The following NRXN3 variants were observed in gnomAD, a reference collection of about 807,000 sequenced individuals.
NRXN3 encodes the protein neurexin III.
In NRXN3, 32 loss-of-function variants were observed where a neutral mutation model predicts 137.6. The ratio of observed to expected loss-of-function variants is 0.23; its 90% CI spans 0.18 to 0.31. The LOEUF (loss-of-function observed/expected upper bound fraction) is 0.31. NRXN3 is among the 10% of genes least tolerant of loss of function. NRXN3 has a pLI of 1.00. For synonymous variants in NRXN3, 798 were observed against 784.5 expected (o/e 1.02, Z -0.29); for missense variants, 1,574 against 2,062.5 (o/e 0.76, Z 4.59).
intron 16 of NRXN3, among the ~76,000 whole-genome samples, chr14:79,501,083 C>T (rs1178250061): frequency 6.6e-6 from 1 of 152,124 alleles, no homozygotes. Flanking sequence ...TTCCAACAGG[C>T]CTAGGGATCT....
chr14:78,827,226 A>G (rs2098969145), intron 10 of NRXN3, among the ~76,000 whole-genome samples: 1 of 151,882 alleles, frequency 6.6e-6, no homozygotes, highest in Non-Finnish European at 1.5e-5. Context: ...TTCTCACACC[A>G]ATGTACTATT....
At chr14:79,506,611 T>C (rs1199480223) in intron 16 of NRXN3, among the ~76,000 whole-genome samples, 1 of 152,208 alleles carries the variant, frequency 6.6e-6, no homozygotes, top group Non-Finnish European at 1.5e-5. Context: ...ATTTTTGTCT[T>C]TCCTAGCTCC....
At chr14:78,581,687 T>C (rs1289051105) in intron 4 of NRXN3, among the ~76,000 whole-genome samples, 1 of 152,218 alleles carries the variant, frequency 6.6e-6, no homozygotes, top group African/African-American at 2.4e-5. Context: ...CAGGGACACA[T>C]TTATGGACAT....
At chr14:79,095,499 C>A (rs889247804) in intron 15 of NRXN3, among the ~76,000 whole-genome samples, 2 of 152,078 alleles carry the variant, frequency 1.3e-5, no homozygotes, top group African/African-American at 4.8e-5. Context: ...TTCACACGTG[C>A]TTGCCTTCAT....
chr14:79,550,690 G>A (rs1214782941), intron 16 of NRXN3, among the ~76,000 whole-genome samples: 4 of 152,086 alleles, frequency 2.6e-5, no homozygotes, highest in African/African-American at 7.2e-5. Flanking sequence ...GGCAAGACTC[G>A]GAAAGTGCAG....
At chr14:79,234,717 A>G (rs2073075912) in intron 15 of NRXN3, among the ~76,000 whole-genome samples, 1 of 152,022 alleles carries the variant, frequency 6.6e-6, no homozygotes, top group Non-Finnish European at 1.5e-5. Context: ...TTCACAGTGC[A>G]TATTAGCAAA....
chr14:78,266,345 C>A (rs888989811), intron 2 of NRXN3, among the ~76,000 whole-genome samples: 2 of 151,980 alleles, frequency 1.3e-5, no homozygotes, highest in African/African-American at 2.4e-5. Flanking sequence ...TGTCGCCAGG[C>A]TGGAGTGCAG....
chr14:78,974,349 G>T (rs144829351), intron 14 of NRXN3, among the ~76,000 whole-genome samples: 2 of 152,126 alleles, frequency 1.3e-5, no homozygotes, highest in Admixed American at 1.3e-4. Context: ...TTACTATCAC[G>T]CAGGGTAAGA....
At chr14:79,434,063 C>T (rs2095805152) in intron 15 of NRXN3, among the ~76,000 whole-genome samples, 1 of 152,156 alleles carries the variant, frequency 6.6e-6, no homozygotes, top group South Asian at 2.1e-4. Context: ...CATATGCTTG[C>T]TAGAGGTTAA....
At chr14:78,424,053 G>A (rs1308736363) in intron 4 of NRXN3, among the ~76,000 whole-genome samples, 1 of 152,206 alleles carries the variant, frequency 6.6e-6, no homozygotes, top group East Asian at 1.9e-4. Flanking sequence ...CAAACTCAAG[G>A]CTCCCTCTTT....
chr14:79,035,119 T>C (rs2099613987), intron 15 of NRXN3, among the ~76,000 whole-genome samples: 1 of 152,166 alleles, frequency 6.6e-6, no homozygotes, highest in Non-Finnish European at 1.5e-5. Context: ...TAAGGCCCTT[T>C]CCTCTTATAA....
At chr14:79,563,884 G>A (rs1602161633) in intron 16 of NRXN3, among the ~76,000 whole-genome samples, 1 of 151,930 alleles carries the variant, frequency 6.6e-6, no homozygotes, top group East Asian at 1.9e-4. Context: ...CTTGTAAATA[G>A]CTGGGTCTTA....
intron 6 of NRXN3, among the ~76,000 whole-genome samples, chr14:78,655,015 G>A (rs1302180094): frequency 2.0e-5 from 3 of 152,164 alleles, no homozygotes; most frequent in African/African-American, 7.2e-5. Context: ...CCTCAGCAAG[G>A]CTAAGAGGAA....
At chr14:79,225,950 A>G (rs2070779244) in intron 15 of NRXN3, among the ~76,000 whole-genome samples, 2 of 152,014 alleles carry the variant, frequency 1.3e-5, no homozygotes, top group African/African-American at 2.4e-5. Context: ...CCTTTTTTAA[A>G]GACTCATGTG....
chr14:79,600,933 GGGAA>G (rs1005101018), intron 16 of NRXN3, among the ~76,000 whole-genome samples: 7 of 151,808 alleles, frequency 4.6e-5, no homozygotes, highest in Non-Finnish European at 7.4e-5. Context: ...AAGGAAGAAA[GGGAA>G]GGAAGGAAGG....
At chr14:78,636,027 TC>T (rs1232348646) in intron 4 of NRXN3, among the ~76,000 whole-genome samples, 2 of 152,190 alleles carry the variant, frequency 1.3e-5, no homozygotes, top group Non-Finnish European at 2.9e-5. Context: ...CAGTTTGATA[TC>T]CTGAATTTCT....
chr14:79,803,778 T>C (rs2140558283), intron 19 of NRXN3, among the ~76,000 whole-genome samples: 1 of 152,038 alleles, frequency 6.6e-6, no homozygotes, highest in African/African-American at 2.4e-5. Flanking sequence ...TAGCTGTATG[T>C]CTTTCAGCAG....
intron 4 of NRXN3, among the ~76,000 whole-genome samples, chr14:78,463,609 C>T (rs946751604): frequency 6.8e-6 from 1 of 146,432 alleles, no homozygotes; most frequent in East Asian, 2.0e-4. Context: ...TGATGGTGCA[C>T]ACATAATAGA....
At chr14:78,297,957 C>T (rs528897559) in intron 4 of NRXN3, 97 bp downstream of exon 4, 20 of 1,385,002 alleles carry the variant, frequency 1.4e-5, no homozygotes, top group African/African-American at 4.3e-5. Context: ...GCAGGCCATT[C>T]GCTGCCTGTC....
Sources: gnomAD v4.1 joint callset for allele counts (sites outside exome capture counted in the v4.1 genomes callset) on GRCh38, gnomAD v4.1.1 for gene constraint, MANE v1.5 for transcripts, NCBI Gene and HGNC (gene_info 2026-07-23, HGNC 2026-07-21) for gene names.